Variants in WDR44 observed in about 807,000 individuals in gnomAD.
WDR44 encodes WD repeat-containing protein 44.
WDR44 carries 9 observed loss-of-function variants against 65.7 expected under a neutral mutation model. That is an observed-to-expected ratio of 0.14 (90% CI 0.08 to 0.24). The LOEUF (loss-of-function observed/expected upper bound fraction) is 0.24. Ranked by LOEUF, WDR44 falls within the 10% of genes least tolerant of loss-of-function variation. WDR44 has a pLI of 1.00. For synonymous variants in WDR44, 220 were observed against 235.2 expected (o/e 0.94, Z 0.59); for missense variants, 425 against 670.9 (o/e 0.63, Z 4.05).
At chrX:118,436,616 T>C (rs2057257372) in intron 13 of WDR44, 86 bp from the exon 14 acceptor site, 1 of 1,044,500 alleles carries the variant, frequency 9.6e-7, no homozygotes, top group Non-Finnish European at 1.3e-6. Flanking sequence ...ACTGTTGAGA[T>C]ACAAAAACCA....
chrX:118,357,153 A>AG (rs2056468333), intron 1 of WDR44, among the ~76,000 whole-genome samples: 1 of 111,509 alleles, frequency 9.0e-6, no homozygotes, highest in South Asian at 3.7e-4. Flanking sequence ...CATTAGAAAA[A>AG]GAATGTAGAA....
rs1408455297 is a variant in WDR44, at chrX:118,449,857, T to C, written c.*870T>C. ...ATATCAATATAATGTACCAATGAAA[T>C]AACATCTGGGGCAATGAAACCCTGA... On this transcript the variant is annotated 3_prime_UTR_variant, in exon 20 of 20. Coordinates refer to ENST00000254029, the MANE Select transcript of WDR44 (RefSeq NM_019045.5). 8.9e-6 allele frequency: 1 copy of C among 112,327 alleles called. No homozygotes were observed. The highest frequency in any genetic ancestry group is 1.9e-5 in the Non-Finnish European group (1 of 53,237). The allele number at this position is 112,327 out of a possible 1,213,427, so 9.3% of individuals were successfully genotyped here.
At position 118,370,731 on chromosome X, in the gene WDR44, C is replaced by T. The variant is rs745404114; in HGVS notation, c.78-7688C>T. Among the ~76,000 whole-genome samples the T allele has an allele frequency of 3.5e-4, 38 of 109,835 alleles. No individual in the cohort carries two copies. In the Admixed American group the frequency reaches 3.7e-3, roughly 11 times the overall value. On this transcript the variant is annotated intron_variant, in intron 1 of 19. Coordinates refer to ENST00000254029, the MANE Select transcript of WDR44 (RefSeq NM_019045.5). ...CCCTGAGTAGCTGGGATTACAGGCA[C>T]GCAGCAGCACACCAGCTAATTTTTG...
At position 118,444,425 on chromosome X, in the gene WDR44, G is replaced by T; in HGVS notation, c.2578G>T (p.Val860Leu). ...PNPSLMLSLDVQSEKSEGNEK... is the reference protein window; with the variant it reads ...PNPSLMLSLDLQSEKSEGNEK... Reference sequence around the variant, plus strand: ...CCCAAGTTTGATGTTATCTTTGGATGTGCAATCTGAAAAATCAGAAGGGAA... The same window carrying T: ...CCCAAGTTTGATGTTATCTTTGGATTTGCAATCTGAAAAATCAGAAGGGAA... Residue 860 changes from valine to leucine, a missense_variant, in exon 19 of 20, where the codon GTG becomes TTG. Val to Leu is a conservative substitution (Grantham distance 32, BLOSUM62 1). Transcript: ENST00000254029. The T allele has an allele frequency of 8.3e-7, 1 of 1,211,044 alleles. No individual in the cohort carries two copies. The highest frequency in any genetic ancestry group is 1.1e-6 in the Non-Finnish European group (1 of 894,976).
chrX:118,358,621 C>T (rs2056484309), intron 1 of WDR44, among the ~76,000 whole-genome samples: 2 of 111,847 alleles, frequency 1.8e-5, no homozygotes, highest in Admixed American at 1.9e-4. Flanking sequence ...AGGGGAATCG[C>T]TTGAACCCAG....
chrX:118,441,804 G>A (rs1228512887), intron 15 of WDR44, among the ~76,000 whole-genome samples: 6 of 111,545 alleles, frequency 5.4e-5, no homozygotes, highest in South Asian at 7.5e-4. Context: ...GCAGTGGAGC[G>A]ATCTCGGCTC....
At chrX:118,446,035 GAAAAA>G (rs71931551) in intron 19 of WDR44, among the ~76,000 whole-genome samples, 1 of 65,375 alleles carries the variant, frequency 1.5e-5, no homozygotes, top group African/African-American at 4.8e-5. Flanking sequence ...TCTCAAAAAA[GAAAAA>G]AAAAAAAAAA....
intron 8 of WDR44, among the ~76,000 whole-genome samples, chrX:118,402,517 G>T (rs2056928248): frequency 9.3e-6 from 1 of 107,848 alleles, no homozygotes; most frequent in African/African-American, 3.4e-5. Context: ...GGAGGCCAAG[G>T]CAGGTGGATC....
intron 19 of WDR44, 32 bp from the exon 20 acceptor site, chrX:118,448,861 A>T (rs2057369354): frequency 9.6e-7 from 1 of 1,042,106 alleles, no homozygotes; most frequent in Non-Finnish European, 1.3e-6. Flanking sequence ...TCCTTTAAAA[A>T]TCAACTTAAA....
chrX:118,426,389 A>G (rs955240164), intron 12 of WDR44, among the ~76,000 whole-genome samples: 4 of 111,485 alleles, frequency 3.6e-5, no homozygotes, highest in Non-Finnish European at 1.9e-5. Context: ...ACTTTTGTAT[A>G]TATTTAAAAT....
At chrX:118,352,335 TATATATA>T (rs2056415222) in intron 1 of WDR44, among the ~76,000 whole-genome samples, 1 of 18,185 alleles carries the variant, frequency 5.5e-5, no homozygotes, top group Admixed American at 1.1e-3. Context: ...TATATATATA[TATATATA>T]TATATATATA....
chrX:118,367,428 A>AC (rs2056564402), intron 1 of WDR44, among the ~76,000 whole-genome samples: 1 of 111,019 alleles, frequency 9.0e-6, no homozygotes, highest in Admixed American at 9.7e-5. Context: ...AGTCTCTGGG[A>AC]CCCCCAAGCT....
In WDR44 at chrX:118,404,451, TAAAAC is replaced by T; in HGVS notation, c.1381+9_1381+13del. 2 of 1,116,810 alleles carry T rather than the reference TAAAAC, an allele frequency of 1.8e-6. No homozygotes were observed. The highest frequency in any genetic ancestry group is 1.2e-6 in the Non-Finnish European group (1 of 822,189). The allele number at this position is 1,116,810 out of a possible 1,213,427, so 92.0% of individuals were successfully genotyped here. A position where few individuals can be genotyped will look rare whatever the true frequency, so the allele number is the denominator to read the frequency against. On this transcript the variant is annotated splice_region_variant and intron_variant, in intron 9 of 19. Coordinates refer to ENST00000254029, the MANE Select transcript of WDR44 (RefSeq NM_019045.5). ...AAAAGTGTTAGAGATGAAGGTGAGTTAAAACAGAACATTTCAACTAAACATTCAAT... is the reference window on the plus strand; with the variant it reads ...AAAAGTGTTAGAGATGAAGGTGAGTTAGAACATTTCAACTAAACATTCAAT...
intron 4 of WDR44, among the ~76,000 whole-genome samples, chrX:118,393,731 C>T (rs749397909): frequency 5.4e-5 from 6 of 112,020 alleles, no homozygotes; most frequent in Non-Finnish European, 9.4e-5. Flanking sequence ...TAGTAATAGA[C>T]AAAATGTAAA....
At chrX:118,375,777 T>G (rs6646180) in intron 1 of WDR44, among the ~76,000 whole-genome samples, 8,013 of 111,592 alleles carry the variant, frequency 0.072, 481 homozygotes, top group East Asian at 0.25. Flanking sequence ...AACACATATT[T>G]ATATTGACCA....
intron 1 of WDR44, among the ~76,000 whole-genome samples, chrX:118,371,331 T>C (rs748086896): frequency 9.0e-6 from 1 of 111,223 alleles, no homozygotes; most frequent in Non-Finnish European, 1.9e-5. Flanking sequence ...GGGAAAATAT[T>C]AGTCAGAGGG....
At chrX:118,386,337 T>C (rs1287692388) in intron 2 of WDR44, 1 of 350,746 alleles carries the variant, frequency 2.9e-6, no homozygotes, top group African/African-American at 2.7e-5. Context: ...TTTGCAAATA[T>C]ATGATTGTCT....
At chrX:118,435,714 G>C (rs1443921425) in intron 13 of WDR44, among the ~76,000 whole-genome samples, 2 of 112,593 alleles carry the variant, frequency 1.8e-5, no homozygotes, top group Non-Finnish European at 3.8e-5. Flanking sequence ...GGAACTGAGT[G>C]GATCTTGAAA....
In WDR44 at chrX:118,393,116, T is replaced by C. The variant is rs1339845282; in HGVS notation, c.671T>C (p.Ile224Thr). The change falls in exon 4 of 20, where the codon ATA (isoleucine) becomes ACA (threonine). Residue 224 changes from isoleucine to threonine, a missense_variant. By Grantham distance (89) the Ile-to-Thr change is moderately conservative (BLOSUM62 -1). Coordinates refer to ENST00000254029, the MANE Select transcript of WDR44 (RefSeq NM_019045.5). ...PPRHLTPEPD[I>T]VASTKKPVPA... ...AGACACCTTACTCCAGAGCCTGATA[T>C]AGTGGCTAGTACAAAGAAGCCTGTT... is the stretch of plus-strand genomic sequence containing the variant. 2.9e-5 allele frequency: 35 copies of C among 1,210,085 alleles called. 1 individual carries two copies. Among genetic ancestry groups the C allele is most frequent in the Admixed American group, 6.6e-5 (3 of 45,721 alleles).
Sources: gnomAD v4.1 joint callset for allele counts (sites outside exome capture counted in the v4.1 genomes callset) on GRCh38, gnomAD v4.1.1 for gene constraint, MANE v1.5 for transcripts, NCBI Gene and HGNC (gene_info 2026-07-23, HGNC 2026-07-21) for gene names.